The following LNPK variants were observed in gnomAD, a reference collection of about 807,000 sequenced individuals.
LNPK encodes the protein endoplasmic reticulum junction formation protein lunapark.
Under a neutral mutation model 55.2 loss-of-function variants are expected in LNPK, and 29 were observed. The ratio of observed to expected loss-of-function variants is 0.53; its 90% CI spans 0.39 to 0.72. LNPK has a LOEUF of 0.72. LNPK is among the 30% of genes least tolerant of loss of function. The pLI, the probability that LNPK is intolerant of heterozygous loss-of-function variation, is 0.00. For missense variants in LNPK, 467 were observed against 494.8 expected, an observed-to-expected ratio of 0.94 and a Z score of 0.53; for synonymous variants, 162 against 168.2, an observed-to-expected ratio of 0.96 and a Z score of 0.29.
rs1687948238 is a variant in LNPK, at chr2:175,996,635, T to G, written c.-62-989A>C. Reference sequence around the variant, plus strand: ...AGCTCAGAAGAAATATGGCCTAGAGTCCCTTTATCTTCAGATTTCTAGCCT... The same window carrying G: ...AGCTCAGAAGAAATATGGCCTAGAGGCCCTTTATCTTCAGATTTCTAGCCT... On this transcript the variant is annotated intron_variant, in intron 1 of 12. Coordinates refer to ENST00000272748, the MANE Select transcript of LNPK (RefSeq NM_030650.3). Among the ~76,000 whole-genome samples, 3 of 152,122 alleles carry G rather than the reference T, an allele frequency of 2.0e-5. No homozygotes were observed. The South Asian group carries it at 6.2e-4, about 32-fold the overall frequency.
chr2:175,992,378 C>A lies in LNPK; in HGVS notation c.110G>T (p.Arg37Ile), dbSNP rs777038146. 3.3e-6 allele frequency: 5 copies of A among 1,512,626 alleles called. No individual in the cohort carries two copies. The African/African-American group carries it at 7.2e-5, about 22-fold the overall frequency. 93.7% of individuals were successfully genotyped at this position (1,512,626 alleles called of 1,614,324 possible). A position where few individuals can be genotyped will look rare whatever the true frequency, so the allele number is the denominator to read the frequency against. ...ALEEFREKNQ[R>I]LQKLWVGRLI... ...TCTTCCAACCCATAATTTTTGTAAT[C>A]TCTGATTTTTTTCCCTAAATTCTTC... Residue 37 changes from arginine to isoleucine, a missense_variant, in exon 4 of 13, where the codon AGA (arginine) becomes ATA (isoleucine). Physicochemically the swap from Arg to Ile is moderately conservative, Grantham distance 97 (BLOSUM62 -3). Transcript: ENST00000272748.
chr2:175,945,330 C>T (rs557722595), intron 9 of LNPK, among the ~76,000 whole-genome samples: 2 of 150,446 alleles, frequency 1.3e-5, no homozygotes, highest in Admixed American at 6.6e-5. Context: ...GCCAATACGG[C>T]GAAACTCCTA....
chr2:175,954,484 A>G (rs1009446565), intron 8 of LNPK, among the ~76,000 whole-genome samples: 1 of 152,232 alleles, frequency 6.6e-6, no homozygotes, highest in Non-Finnish European at 1.5e-5. Context: ...AGAAGTCCAT[A>G]CAGAAAAGCT....
chr2:175,992,447 T>C, intron 3 of LNPK, 29 bp from the exon 4 acceptor site: 1 of 1,333,132 alleles, frequency 7.5e-7, no homozygotes, highest in Non-Finnish European at 1.0e-6. Context: ...TCCATGTTAG[T>C]AAATTTCAAA....
At chr2:175,960,015 T>C (rs974766362) in intron 8 of LNPK, among the ~76,000 whole-genome samples, 19 of 152,082 alleles carry the variant, frequency 1.2e-4, no homozygotes, top group Non-Finnish European at 2.2e-4. Flanking sequence ...GAGCTAACTA[T>C]CCTAAATATA....
chr2:175,943,459 TAAAC>T (rs1293264551), intron 9 of LNPK, among the ~76,000 whole-genome samples: 5 of 151,148 alleles, frequency 3.3e-5, no homozygotes, highest in African/African-American at 9.7e-5. Context: ...AAGGAAAAAA[TAAAC>T]AAAAAAACCA....
intron 1 of LNPK, among the ~76,000 whole-genome samples, chr2:176,000,998 TA>T (rs768964036): frequency 7.9e-5 from 12 of 152,216 alleles, no homozygotes; most frequent in Non-Finnish European, 1.5e-4. Flanking sequence ...CATATATTTT[TA>T]ATAGCCATAT....
intron 8 of LNPK, among the ~76,000 whole-genome samples, chr2:175,961,672 T>C (rs546713757): frequency 6.6e-6 from 1 of 152,326 alleles, no homozygotes; most frequent in East Asian, 1.9e-4. Flanking sequence ...TCACCACTCC[T>C]ATTCAACATA....
intron 5 of LNPK, among the ~76,000 whole-genome samples, chr2:175,975,031 A>C (rs1189205599): frequency 7.2e-6 from 1 of 139,610 alleles, no homozygotes; most frequent in East Asian, 2.1e-4. Context: ...TTTTTTTACT[A>C]TCTTGCTATT....
intron 8 of LNPK, among the ~76,000 whole-genome samples, chr2:175,955,588 C>T (rs1685653622): frequency 6.6e-6 from 1 of 152,128 alleles, no homozygotes; most frequent in South Asian, 2.1e-4. Flanking sequence ...ATCCAAATTT[C>T]TTACAAGGCA....
At position 175,970,810 on chromosome 2, in the gene LNPK, A is replaced by G. The variant is rs779745106; in HGVS notation, c.317-6T>C. ...TAAATCATCCAATGCTTCATCTAGA[A>G]AGCAAGATTTAAATCAAAGATTAAG... is the stretch of plus-strand genomic sequence containing the variant. On this transcript the variant is annotated splice_polypyrimidine_tract_variant and splice_region_variant and intron_variant, in intron 5 of 12. Coordinates refer to ENST00000272748, the MANE Select transcript of LNPK (RefSeq NM_030650.3). 14 of 1,413,670 alleles carry G rather than the reference A, an allele frequency of 9.9e-6. No homozygotes were observed. Among genetic ancestry groups the G allele is most frequent in the Non-Finnish European group, 1.3e-5 (14 of 1,058,172 alleles). 87.6% of individuals were successfully genotyped at this position (1,413,670 alleles called of 1,614,324 possible).
chr2:175,941,790 C>CAAAAAAAAAAAAAAAA (rs59162981), intron 9 of LNPK, among the ~76,000 whole-genome samples: 20 of 51,890 alleles, frequency 3.9e-4, no homozygotes, highest in Non-Finnish European at 4.4e-4. Context: ...GATTCCATCT[C>CAAAAAAAAAAAAAAAA]AAAAAAAAAA....
intron 9 of LNPK, chr2:175,940,936 G>T: frequency 2.2e-6 from 1 of 453,776 alleles, no homozygotes; most frequent in African/African-American, 2.0e-5. Flanking sequence ...TGAACTTTAA[G>T]ACATAGCAAT....
chr2:175,958,850 G>C (rs1685841950), intron 8 of LNPK, among the ~76,000 whole-genome samples: 1 of 152,118 alleles, frequency 6.6e-6, no homozygotes, highest in Admixed American at 6.5e-5. Context: ...TGGCTAACTA[G>C]AATAAACAGC....
At chr2:175,955,872 T>C (rs1462540538) in intron 8 of LNPK, among the ~76,000 whole-genome samples, 1 of 152,214 alleles carries the variant, frequency 6.6e-6, no homozygotes, top group Non-Finnish European at 1.5e-5. Flanking sequence ...TGTGGCAAGA[T>C]ACAATTGACT....
intron 8 of LNPK, among the ~76,000 whole-genome samples, chr2:175,949,664 AC>A (rs1317267046): frequency 1.3e-5 from 2 of 152,102 alleles, no homozygotes; most frequent in African/African-American, 4.8e-5. Context: ...AGACTAGCTA[AC>A]AAAGGACACC....
intron 5 of LNPK, among the ~76,000 whole-genome samples, chr2:175,974,299 G>A (rs549376001): frequency 6.6e-6 from 1 of 152,046 alleles, no homozygotes; most frequent in Admixed American, 6.6e-5. Flanking sequence ...GTATGCACGG[G>A]TAATAAAAAT....
chr2:175,940,286 G>A (rs1232378364), intron 9 of LNPK, among the ~76,000 whole-genome samples: 1 of 151,734 alleles, frequency 6.6e-6, no homozygotes, highest in African/African-American at 2.4e-5. Context: ...ATTCTGAGAA[G>A]GCCAAGGCAT....
intron 8 of LNPK, among the ~76,000 whole-genome samples, chr2:175,961,287 G>A (rs546520820): frequency 2.6e-5 from 4 of 152,262 alleles, no homozygotes; most frequent in African/African-American, 7.2e-5. Flanking sequence ...GATGAACATC[G>A]ATGCGAAAAT....
Sources: allele counts gnomAD v4.1 joint callset (sites outside exome capture counted in the v4.1 genomes callset), GRCh38; gene constraint gnomAD v4.1.1; transcripts MANE v1.5; gene names NCBI Gene and HGNC (gene_info 2026-07-23, HGNC 2026-07-21).